The following FBXL17 variants were observed in gnomAD, a reference collection of about 807,000 sequenced individuals.
FBXL17 encodes F-box/LRR-repeat protein 17.
Under a neutral mutation model 66.2 loss-of-function variants are expected in FBXL17, and 22 were observed. The observed-to-expected ratio is 0.33, with a 90% confidence interval of 0.24 to 0.47. The LOEUF is 0.47. Among genes scored for constraint, FBXL17 ranks in the 20% least tolerant of loss-of-function variants. The probability of loss-of-function intolerance (pLI) is 1.00; values close to 1 mark genes in which losing one functional copy is unlikely to be tolerated. For synonymous variants in FBXL17, 474 were observed against 400.5 expected (o/e 1.18, Z -2.19); for missense variants, 878 against 948.2 (o/e 0.93, Z 0.97).
At chr5:108,021,112 G>C in intron 6 of FBXL17, 111 bp from the exon 7 acceptor site, 1 of 706,962 alleles carries the variant, frequency 1.4e-6, no homozygotes, top group Non-Finnish European at 2.5e-6. Flanking sequence ...TTCTTTAATG[G>C]TGTTTCAGGA....
chr5:107,983,492 C>T (rs1159836725), intron 7 of FBXL17, among the ~76,000 whole-genome samples: 2 of 151,856 alleles, frequency 1.3e-5, no homozygotes, highest in Admixed American at 6.6e-5. Context: ...CTGGGCCCAC[C>T]CAGCATTCTT....
intron 6 of FBXL17, among the ~76,000 whole-genome samples, chr5:108,092,918 C>T (rs1002666182): frequency 6.6e-5 from 10 of 152,028 alleles, no homozygotes; most frequent in Admixed American, 5.9e-4. Flanking sequence ...ATACTCTCTT[C>T]GATTCCTATA....
chr5:107,864,904 C>CT (rs900361818), intron 8 of FBXL17, among the ~76,000 whole-genome samples: 27 of 152,112 alleles, frequency 1.8e-4, no homozygotes, highest in African/African-American at 6.0e-4. Flanking sequence ...GAAATTTTTC[C>CT]TTTTTTTTAA....
intron 7 of FBXL17, among the ~76,000 whole-genome samples, chr5:107,943,706 A>G (rs1196681356): frequency 6.6e-6 from 1 of 151,590 alleles, no homozygotes; most frequent in African/African-American, 2.4e-5. Flanking sequence ...GCATCTGCCC[A>G]CTCCTTTATG....
chr5:108,154,045 C>T (rs951767727), intron 6 of FBXL17, among the ~76,000 whole-genome samples: 1 of 151,940 alleles, frequency 6.6e-6, no homozygotes, highest in Non-Finnish European at 1.5e-5. Flanking sequence ...ACAAATAGCC[C>T]AAATGAGCCC....
At chr5:108,356,153 A>C (rs1747973126) in intron 3 of FBXL17, among the ~76,000 whole-genome samples, 1 of 152,194 alleles carries the variant, frequency 6.6e-6, no homozygotes, top group Non-Finnish European at 1.5e-5. Context: ...GACATGACTT[A>C]ATGATAAAGG....
rs1242838124 is a variant in FBXL17 at position 108,114,381 on chromosome 5, C to T, written c.1745+71736G>A. ...ATTATAAATTCAGTATGACATCAAGCATAAATCATCATTTATATTGAGTGT... is the reference window on the plus strand; with the variant it reads ...ATTATAAATTCAGTATGACATCAAGTATAAATCATCATTTATATTGAGTGT... On this transcript the variant is annotated intron_variant, in intron 6 of 8. Coordinates refer to ENST00000542267, the MANE Select transcript of FBXL17 (RefSeq NM_001163315.3). Among the ~76,000 whole-genome samples the T allele has an allele frequency of 4.7e-5, 5 of 105,628 alleles. No homozygotes were observed. The South Asian group carries it at 2.2e-3, about 48-fold the overall frequency. 69.3% of individuals were successfully genotyped at this position (105,628 alleles called of 152,430 possible).
chr5:108,049,657 C>A (rs1747396619), intron 6 of FBXL17, among the ~76,000 whole-genome samples: 1 of 152,122 alleles, frequency 6.6e-6, no homozygotes, highest in African/African-American at 2.4e-5. Context: ...AGACCAATGA[C>A]ACTATGAAGA....
chr5:108,345,594 ATAACT>A (rs1364989101), intron 4 of FBXL17, among the ~76,000 whole-genome samples: 2 of 150,496 alleles, frequency 1.3e-5, no homozygotes, highest in East Asian at 1.9e-4. Context: ...ATTATTTTAA[ATAACT>A]TAAGAAGAAA....
intron 4 of FBXL17, among the ~76,000 whole-genome samples, chr5:108,296,603 T>A (rs1323467510): frequency 6.6e-6 from 1 of 151,780 alleles, no homozygotes; most frequent in African/African-American, 2.4e-5. Context: ...CTCACTTTGA[T>A]GTCAGGAATG....
intron 5 of FBXL17, among the ~76,000 whole-genome samples, chr5:108,218,373 T>C (rs1754704084): frequency 6.6e-6 from 1 of 152,158 alleles, no homozygotes; most frequent in African/African-American, 2.4e-5. Context: ...CTGTGAATAG[T>C]GCTGCAATGA....
intron 4 of FBXL17, among the ~76,000 whole-genome samples, chr5:108,324,522 G>A (rs977289231): frequency 2.6e-5 from 4 of 152,062 alleles, no homozygotes; most frequent in African/African-American, 9.7e-5. Flanking sequence ...ATGTAAAACA[G>A]TATGGCAGCT....
chr5:108,380,913 G>A lies in FBXL17; in HGVS notation c.779C>T (p.Pro260Leu), dbSNP rs1236084540. 4 of 1,228,162 alleles carry A rather than the reference G, an allele frequency of 3.3e-6. No homozygotes were observed. Among genetic ancestry groups the A allele is most frequent in the Non-Finnish European group, 4.1e-6 (4 of 981,726 alleles). 76.1% of individuals were successfully genotyped at this position (1,228,162 alleles called of 1,614,324 possible). A position where few individuals can be genotyped will look rare whatever the true frequency, so the allele number is the denominator to read the frequency against. Reference sequence around the variant, plus strand: ...TTCGGAGGTGGGAGAAGAGGGCGGAGGGCAGAGCGGCTGCGGGGGCTGCTC... The same window carrying A: ...TTCGGAGGTGGGAGAAGAGGGCGGAAGGCAGAGCGGCTGCGGGGGCTGCTC... ...APEQPPQPLC[P>L]PPSSPTSEGA... is the part of the protein sequence containing the mutation. Residue 260 changes from proline (P) to leucine (L), a missense_variant, in exon 1 of 9, where the codon CCT (proline) becomes CTT (leucine). Around this residue, in one of 4 missense-constraint regions of FBXL17, gnomAD observed 605 missense variants for 509.5 expected, o/e 1.19. Transcript: ENST00000542267.
At chr5:108,186,365 G>A (rs1322405626) in intron 5 of FBXL17, 118 bp from the exon 6 acceptor site, 1 of 739,244 alleles carries the variant, frequency 1.4e-6, no homozygotes, top group Non-Finnish European at 2.1e-6. Context: ...AAACAGATAG[G>A]CTAGAATCTT....
At chr5:108,083,738 A>G (rs1057189076) in intron 6 of FBXL17, among the ~76,000 whole-genome samples, 9 of 152,154 alleles carry the variant, frequency 5.9e-5, no homozygotes, top group African/African-American at 2.2e-4. Flanking sequence ...ATTAAACTAT[A>G]GATGGCTTAA....
chr5:108,239,487 T>G (rs1239215542), intron 4 of FBXL17, among the ~76,000 whole-genome samples: 1 of 152,180 alleles, frequency 6.6e-6, no homozygotes, highest in Non-Finnish European at 1.5e-5. Context: ...AGAACTACGC[T>G]GGCGCCTATG....
At chr5:108,251,358 C>T (rs1304965388) in intron 4 of FBXL17, among the ~76,000 whole-genome samples, 1 of 151,844 alleles carries the variant, frequency 6.6e-6, no homozygotes, top group African/African-American at 2.4e-5. Context: ...TATGTTTATT[C>T]CAAGATGGTA....
chr5:107,919,094 T>G (rs1277986308), intron 7 of FBXL17, among the ~76,000 whole-genome samples: 1 of 152,186 alleles, frequency 6.6e-6, no homozygotes, highest in Non-Finnish European at 1.5e-5. Flanking sequence ...TCATGTTCTT[T>G]TTAAAGACAG....
At chr5:107,964,127 C>A (rs373865959) in intron 7 of FBXL17, among the ~76,000 whole-genome samples, 6 of 152,256 alleles carry the variant, frequency 3.9e-5, no homozygotes, top group Admixed American at 6.5e-5. Context: ...ATTCACTGCA[C>A]AGCTGGCAAC....
Sources: gnomAD v4.1 joint callset for allele counts (sites outside exome capture counted in the v4.1 genomes callset) on GRCh38, gnomAD v4.1.1 for gene constraint, gnomAD v4.1.1 regional missense constraint, MANE v1.5 for transcripts, NCBI Gene and HGNC (gene_info 2026-07-23, HGNC 2026-07-21) for gene names.